PTPRR: variants seen among roughly 807,000 people sequenced by gnomAD.
The protein encoded by PTPRR is protein tyrosine phosphatase receptor type R, also known as receptor-type tyrosine-protein phosphatase R.
PTPRR carries 38 observed loss-of-function variants against 77.2 expected under a neutral mutation model. The ratio of observed to expected loss-of-function variants is 0.49; its 90% CI spans 0.38 to 0.65. The LOEUF is 0.65. PTPRR is among the 30% of genes least tolerant of loss of function. PTPRR has a pLI of 0.00. For synonymous variants in PTPRR, 299 were observed against 283.1 expected (o/e 1.06, Z -0.57); for missense variants, 744 against 799.2 (o/e 0.93, Z 0.83).
intron 2 of PTPRR, among the ~76,000 whole-genome samples, chr12:70,796,155 C>T (rs1260625546): frequency 2.0e-5 from 3 of 151,846 alleles, no homozygotes; most frequent in Non-Finnish European, 4.4e-5. Flanking sequence ...AACTCCTGAC[C>T]TCAGGTGATC....
intron 13 of PTPRR, among the ~76,000 whole-genome samples, chr12:70,650,652 G>A (rs991352479): frequency 2.0e-5 from 3 of 152,180 alleles, no homozygotes; most frequent in African/African-American, 7.2e-5. Flanking sequence ...CCTGATTCAT[G>A]CTCAGTAGCA....
chr12:70,721,574 T>C (rs1230913824), intron 6 of PTPRR, among the ~76,000 whole-genome samples: 2 of 151,390 alleles, frequency 1.3e-5, no homozygotes, highest in East Asian at 1.9e-4. Flanking sequence ...GGGTTCACCA[T>C]CAGCTTTCTT....
intron 5 of PTPRR, among the ~76,000 whole-genome samples, chr12:70,747,536 T>C (rs373523906): frequency 6.6e-6 from 1 of 152,350 alleles, no homozygotes; most frequent in African/African-American, 2.4e-5. Context: ...CAAGGAAATC[T>C]TGACCTTCTC....
intron 6 of PTPRR, among the ~76,000 whole-genome samples, chr12:70,711,796 T>C (rs1888837923): frequency 6.6e-6 from 1 of 152,156 alleles, no homozygotes; most frequent in African/African-American, 2.4e-5. Flanking sequence ...TCCATCTCAG[T>C]CATTTGATAT....
At chr12:70,734,959 A>G (rs1486171462) in intron 6 of PTPRR, among the ~76,000 whole-genome samples, 1 of 152,224 alleles carries the variant, frequency 6.6e-6, no homozygotes, top group African/African-American at 2.4e-5. Flanking sequence ...CTCATGACGT[A>G]CCATTAATTT....
chr12:70,894,085 C>T (rs932940240), intron 1 of PTPRR, among the ~76,000 whole-genome samples: 2 of 151,772 alleles, frequency 1.3e-5, no homozygotes, highest in East Asian at 1.9e-4. Context: ...TGTTTTATAA[C>T]ATAGTCCCTA....
At chr12:70,657,231 G>T (rs1325489455) in intron 12 of PTPRR, among the ~76,000 whole-genome samples, 2 of 152,246 alleles carry the variant, frequency 1.3e-5, no homozygotes, top group East Asian at 3.9e-4. Context: ...AAGAAGAATG[G>T]TGATGCCCTG....
intron 10 of PTPRR, among the ~76,000 whole-genome samples, chr12:70,669,144 T>C (rs1292623321): frequency 1.3e-5 from 2 of 152,186 alleles, no homozygotes; most frequent in Non-Finnish European, 2.9e-5. Flanking sequence ...CCTCTTTTAT[T>C]GTCTTTACAC....
chr12:70,642,996 C>A (rs1304386743), intron 13 of PTPRR, among the ~76,000 whole-genome samples: 1 of 152,084 alleles, frequency 6.6e-6, no homozygotes, highest in Admixed American at 6.5e-5. Flanking sequence ...CATAGTTAGA[C>A]CCTGTCTACA....
At chr12:70,878,864 A>G (rs1365127546) in intron 2 of PTPRR, among the ~76,000 whole-genome samples, 1 of 152,218 alleles carries the variant, frequency 6.6e-6, no homozygotes, top group Admixed American at 6.5e-5. Context: ...ATGTCCATCA[A>G]TCATAGACTG....
intron 2 of PTPRR, among the ~76,000 whole-genome samples, chr12:70,886,737 T>C (rs1194948453): frequency 6.6e-6 from 1 of 152,236 alleles, no homozygotes; most frequent in Admixed American, 6.5e-5. Flanking sequence ...TTCTTGATAA[T>C]GAGATGTACT....
At chr12:70,663,863 C>T (rs1394870675) in intron 10 of PTPRR, among the ~76,000 whole-genome samples, 3 of 152,152 alleles carry the variant, frequency 2.0e-5, no homozygotes, top group African/African-American at 7.2e-5. Flanking sequence ...CTTGTTTCTT[C>T]ACATCTTTGT....
chr12:70,713,945 T>C (rs185572482), intron 6 of PTPRR, among the ~76,000 whole-genome samples: 329 of 152,252 alleles, frequency 2.2e-3, no homozygotes, highest in Non-Finnish European at 3.1e-3. Flanking sequence ...TCTGAGCGTG[T>C]TTTGGATGAG....
chr12:70,758,399 G>A (rs570949433), intron 4 of PTPRR, among the ~76,000 whole-genome samples: 1 of 152,050 alleles, frequency 6.6e-6, no homozygotes, highest in African/African-American at 2.4e-5. Context: ...GCTTCTTTTG[G>A]TTTGCAAATC....
intron 10 of PTPRR, among the ~76,000 whole-genome samples, chr12:70,680,910 G>A (rs1165604360): frequency 1.3e-5 from 2 of 152,138 alleles, no homozygotes; most frequent in South Asian, 2.1e-4. Flanking sequence ...GGTGGGACTC[G>A]CTTTGGAATG....
intron 5 of PTPRR, among the ~76,000 whole-genome samples, chr12:70,751,287 CA>C (rs1890389583): frequency 6.6e-6 from 1 of 152,082 alleles, no homozygotes; most frequent in Non-Finnish European, 1.5e-5. Flanking sequence ...GTTCTACTTT[CA>C]AATAGATCTC....
intron 4 of PTPRR, chr12:70,754,731 C>G: frequency 6.4e-7 from 1 of 1,571,884 alleles, no homozygotes; most frequent in Middle Eastern, 1.7e-4. Flanking sequence ...AAAAGTGAAA[C>G]AAGTGCAAAC....
At chr12:70,866,858 G>A (rs1240708921) in intron 2 of PTPRR, among the ~76,000 whole-genome samples, 1 of 151,798 alleles carries the variant, frequency 6.6e-6, no homozygotes, top group African/African-American at 2.4e-5. Flanking sequence ...TTCATCCCTG[G>A]GATGCAAGGC....
intron 2 of PTPRR, among the ~76,000 whole-genome samples, chr12:70,821,098 A>G (rs1049364833): frequency 1.2e-4 from 19 of 152,150 alleles, no homozygotes; most frequent in African/African-American, 4.3e-4. Context: ...AAAAAATACT[A>G]GACTGGTTGT....
Sources: gnomAD v4.1 joint callset for allele counts (sites outside exome capture counted in the v4.1 genomes callset) on GRCh38, gnomAD v4.1.1 for gene constraint, MANE v1.5 for transcripts, NCBI Gene and HGNC (gene_info 2026-07-23, HGNC 2026-07-21) for gene names.